ASAP2: variants seen among roughly 807,000 people sequenced by gnomAD.
ASAP2 encodes arf-GAP with SH3 domain, ANK repeat and PH domain-containing protein 2.
ASAP2 carries 45 observed loss-of-function variants against 131.4 expected under a neutral mutation model. The observed-to-expected ratio is 0.34, with a 90% CI of 0.27 to 0.44. ASAP2 has a LOEUF of 0.44. ASAP2 is among the 20% of genes least tolerant of loss of function. The pLI is 1.00. For missense variants in ASAP2, 1,011 were observed against 1,297.0 expected, an observed-to-expected ratio of 0.78 and a Z score of 3.39; for synonymous variants, 510 against 503.0, an observed-to-expected ratio of 1.01 and a Z score of -0.19.
At chr2:9,224,178 A>G (rs148206004) in intron 1 of ASAP2, among the ~76,000 whole-genome samples, 1 of 152,056 alleles carries the variant, frequency 6.6e-6, no homozygotes, top group African/African-American at 2.4e-5. Context: ...AGTGCGAGGG[A>G]AGGGAGGATT....
intron 19 of ASAP2, among the ~76,000 whole-genome samples, chr2:9,379,628 T>C (rs541406353): frequency 6.6e-6 from 1 of 152,186 alleles, no homozygotes; most frequent in South Asian, 2.1e-4. Context: ...GGAGGAAGTA[T>C]TTTTGAAGGA....
intron 1 of ASAP2, among the ~76,000 whole-genome samples, chr2:9,208,397 AT>A (rs199764191): frequency 6.3e-5 from 8 of 126,214 alleles, no homozygotes; most frequent in African/African-American, 1.2e-4. Flanking sequence ...CAATGGCGTT[AT>A]TTTTTTTTTC....
intron 1 of ASAP2, among the ~76,000 whole-genome samples, chr2:9,276,040 C>T (rs1666740731): frequency 6.6e-6 from 1 of 152,164 alleles, no homozygotes; most frequent in Non-Finnish European, 1.5e-5. Context: ...AAGTCCTGGG[C>T]TCCTGTTTTC....
rs1227477188 is a variant in ASAP2 at position 9,217,012 on chromosome 2, G to A, written c.126+9782G>A. On this transcript the variant is annotated intron_variant, in intron 1 of 27. Transcript: ENST00000281419. The surrounding 1 kb of genome is among the most constrained non-coding windows in gnomAD (Gnocchi z 4.0). ...TTAGTTATTATCAAAATGCTATAGG[G>A]GCCAGCAAAATTAGGCCACGGTACC... Among the ~76,000 whole-genome samples the A allele has an allele frequency of 6.6e-6, 1 of 152,056 alleles. No homozygotes were observed. Among genetic ancestry groups the A allele is most frequent in the Non-Finnish European group, 1.5e-5 (1 of 67,986 alleles).
chr2:9,214,939 T>C (rs1434964937), intron 1 of ASAP2, among the ~76,000 whole-genome samples: 1 of 152,164 alleles, frequency 6.6e-6, no homozygotes, highest in Non-Finnish European at 1.5e-5. Context: ...TTCAGAAAAA[T>C]GTTTTAATGC....
chr2:9,272,946 T>C (rs1476229731), intron 1 of ASAP2, among the ~76,000 whole-genome samples: 1 of 152,232 alleles, frequency 6.6e-6, no homozygotes, highest in African/African-American at 2.4e-5. Flanking sequence ...TTTTGGCTAC[T>C]ATAGCTCTAT....
intron 11 of ASAP2, among the ~76,000 whole-genome samples, chr2:9,346,353 T>A (rs1671962177): frequency 6.6e-6 from 1 of 151,698 alleles, no homozygotes; most frequent in South Asian, 2.1e-4. Context: ...GGAGAATTGC[T>A]TAAACGCAGG....
chr2:9,224,872 G>T (rs1359319610), intron 1 of ASAP2, among the ~76,000 whole-genome samples: 2 of 152,206 alleles, frequency 1.3e-5, no homozygotes, highest in Non-Finnish European at 2.9e-5. Context: ...AAGCACAGTG[G>T]TCGTGCCCAC....
intron 3 of ASAP2, among the ~76,000 whole-genome samples, chr2:9,317,618 TCACACCCACA>T (rs1008667764): frequency 6.8e-5 from 10 of 146,270 alleles, no homozygotes; most frequent in South Asian, 2.3e-4. Context: ...ACATCCACAA[TCACACCCACA>T]CACACCCATA....
intron 1 of ASAP2, among the ~76,000 whole-genome samples, chr2:9,241,400 T>G (rs1663957439): frequency 2.0e-5 from 3 of 152,140 alleles, no homozygotes; most frequent in South Asian, 2.1e-4. Context: ...GGTGCGATTA[T>G]GAGTTCCTTA....
chr2:9,359,652 A>T (rs78838506), intron 15 of ASAP2, among the ~76,000 whole-genome samples: 2 of 152,248 alleles, frequency 1.3e-5, no homozygotes, highest in South Asian at 4.1e-4. Flanking sequence ...AAAAGTTTAC[A>T]TGTAGGGAAT....
chr2:9,293,080 C>T (rs768078078), intron 2 of ASAP2, among the ~76,000 whole-genome samples: 2 of 152,202 alleles, frequency 1.3e-5, no homozygotes, highest in Non-Finnish European at 2.9e-5. Context: ...TGGGCCTTCT[C>T]CTTGATACCA....
At position 9,282,130 on chromosome 2, in the gene ASAP2, C is replaced by T. The variant is rs72773399; in HGVS notation, c.199+2741C>T. ...TACAGTGACAGGGCTGGGATTTTAA[C>T]GTAGCTCCTTGGGCTCATGTCCTTT... On this transcript the variant is annotated intron_variant, in intron 2 of 27. Transcript: ENST00000281419. Among the ~76,000 whole-genome samples the T allele has an allele frequency of 8.0e-3, 1,222 of 152,336 alleles. 7 individuals are homozygous for T. The highest frequency in any genetic ancestry group is 0.015 in the Non-Finnish European group (1,020 of 68,036).
At position 9,403,548 on chromosome 2, in the gene ASAP2, C is replaced by T. The variant is rs1293436594; in HGVS notation, c.*221C>T. 1.9e-6 allele frequency: 1 copy of T among 517,916 alleles called. No homozygotes were observed. Among genetic ancestry groups the T allele is most frequent in the Non-Finnish European group, 3.4e-6 (1 of 294,742 alleles). 32.1% of individuals were successfully genotyped at this position (517,916 alleles called of 1,614,324 possible). On this transcript the variant is annotated 3_prime_UTR_variant, in exon 28 of 28. Coordinates refer to ENST00000281419, the MANE Select transcript of ASAP2 (RefSeq NM_003887.3). The stretch of plus-strand genomic sequence containing the variant: ...ATTGCTATGCATTTATTAGGAAAAA[C>T]TGAATTTCCCAACAGGTGAACTGAA...
At chr2:9,390,777 A>G (rs1675656867) in intron 22 of ASAP2, among the ~76,000 whole-genome samples, 1 of 152,220 alleles carries the variant, frequency 6.6e-6, no homozygotes, top group Non-Finnish European at 1.5e-5. Context: ...TCCTTCTTCA[A>G]ATGATACTGA....
intron 3 of ASAP2, among the ~76,000 whole-genome samples, chr2:9,304,162 G>A (rs1026902620): frequency 2.6e-4 from 39 of 152,126 alleles, no homozygotes; most frequent in African/African-American, 9.2e-4. Context: ...GAGGGGCACT[G>A]CAGTATGGCA....
chr2:9,351,637 T>C (rs1672339081), intron 12 of ASAP2, among the ~76,000 whole-genome samples: 1 of 152,228 alleles, frequency 6.6e-6, no homozygotes, highest in African/African-American at 2.4e-5. Context: ...GACTGTGTAC[T>C]GTAGGAAGGC....
chr2:9,376,062 T>C (rs1674375507), intron 17 of ASAP2, among the ~76,000 whole-genome samples: 1 of 152,260 alleles, frequency 6.6e-6, no homozygotes, highest in Non-Finnish European at 1.5e-5. Context: ...ACCTCAGGAC[T>C]GGGCTGGCTG....
At chr2:9,351,047 A>C in intron 12 of ASAP2, 152 bp downstream of exon 12, 1 of 592,428 alleles carries the variant, frequency 1.7e-6, no homozygotes, top group Non-Finnish European at 2.8e-6. Context: ...GTGTTCCATT[A>C]GTAACTGCTG....
Sources: allele counts gnomAD v4.1 joint callset (sites outside exome capture counted in the v4.1 genomes callset), GRCh38; gene constraint gnomAD v4.1.1; non-coding constraint Gnocchi (gnomAD v3.1); transcripts MANE v1.5; gene names NCBI Gene and HGNC (gene_info 2026-07-23, HGNC 2026-07-21).